The following TOR1AIP1 variants were observed in gnomAD, a reference collection of about 807,000 sequenced individuals.
The protein encoded by TOR1AIP1 is torsin-1A-interacting protein 1.
Under a neutral mutation model 63.3 loss-of-function variants are expected in TOR1AIP1, and 54 were observed. The ratio of observed to expected loss-of-function variants is 0.85; its 90% CI spans 0.69 to 1.07. TOR1AIP1 has a LOEUF of 1.07. Ranked by LOEUF, TOR1AIP1 falls within the 50% of genes least tolerant of loss-of-function variation. The pLI is 0.00. For missense variants in TOR1AIP1, 736 were observed against 715.0 expected, an observed-to-expected ratio of 1.03 and a Z score of -0.33; for synonymous variants, 294 against 273.5, an observed-to-expected ratio of 1.07 and a Z score of -0.74.
chr1:179,903,563 A>T (rs1266583469), intron 5 of TOR1AIP1, among the ~76,000 whole-genome samples: 1 of 151,148 alleles, frequency 6.6e-6, no homozygotes, highest in Non-Finnish European at 1.5e-5. Context: ...GCTGGAGTAC[A>T]GTGGTGCGAT....
rs535285280 is a variant in TOR1AIP1 at position 179,907,852 on chromosome 1, C to T, written c.826C>T (p.Pro276Ser). The T allele has an allele frequency of 9.5e-6, 15 of 1,576,062 alleles. No individual in the cohort carries two copies. Among genetic ancestry groups the T allele is most frequent in the East Asian group, 7.1e-5 (3 of 42,058 alleles). Residue 276 changes from proline (P) to serine (S), a missense_variant, in exon 7 of 10, where the codon CCT becomes TCT. Transcript: ENST00000606911. ...AAACTTCACAGCTCATGATAAGCAA[C>T]CTTCAGTGCTAAGTAAGTAGTTGGT... ...SQNFTAHDKQ[P>S]SVLSSGYQKT...
rs1456272969 is a variant in TOR1AIP1 at position 179,917,479 on chromosome 1, C to G, written c.992C>G (p.Ser331Cys). The G allele has an allele frequency of 6.2e-7, 1 of 1,612,782 alleles. No homozygotes were observed. The highest frequency in any genetic ancestry group is 8.5e-7 in the Non-Finnish European group (1 of 1,179,864). Residue 331 changes from serine to cysteine, a missense_variant, in exon 10 of 10, where the codon TCT (serine) becomes TGT (cysteine). Ser to Cys is a moderately radical substitution (Grantham distance 112). Transcript: ENST00000606911. ...GTGACTGGACAACCCCAAAATGCATCTTTTGTCAAGAGGAACCGGTGGTGG... is the reference window on the plus strand; with the variant it reads ...GTGACTGGACAACCCCAAAATGCATGTTTTGTCAAGAGGAACCGGTGGTGG... ...RQVTGQPQNASFVKRNRWWLL... is the reference protein window; with the variant it reads ...RQVTGQPQNACFVKRNRWWLL...
At position 179,918,632 on chromosome 1, in the gene TOR1AIP1, C is replaced by A; in HGVS notation, c.*393C>A. ...CCTGAGTTATTAGTAAGATTGCTCCCTAAATGTAACCAGGGATTTTCCCAT... is the reference window on the plus strand; with the variant it reads ...CCTGAGTTATTAGTAAGATTGCTCCATAAATGTAACCAGGGATTTTCCCAT... On this transcript the variant is annotated 3_prime_UTR_variant, in exon 10 of 10. Transcript: ENST00000606911. 5.9e-6 allele frequency: 1 copy of A among 169,980 alleles called. No homozygotes were observed. The highest frequency in any genetic ancestry group is 1.3e-5 in the Non-Finnish European group (1 of 78,980). 10.5% of individuals were successfully genotyped at this position (169,980 alleles called of 1,614,324 possible).
intron 8 of TOR1AIP1, among the ~76,000 whole-genome samples, chr1:179,909,326 C>T (rs941062414): frequency 1.3e-5 from 2 of 152,148 alleles, no homozygotes; most frequent in Non-Finnish European, 2.9e-5. Context: ...CATAATTTTA[C>T]ATAATAAAGG....
intron 3 of TOR1AIP1, among the ~76,000 whole-genome samples, chr1:179,894,501 A>G (rs1459451260): frequency 1.3e-5 from 2 of 152,066 alleles, no homozygotes; most frequent in African/African-American, 2.4e-5. Flanking sequence ...AGCCTGGCCA[A>G]CATGGTGAAA....
Position 179,918,435 on chromosome 1 carries a change from A to G in TOR1AIP1, c.*196A>G. The G allele has an allele frequency of 1.7e-6, 1 of 592,976 alleles. No individual in the cohort carries two copies. Among genetic ancestry groups the G allele is most frequent in the Non-Finnish European group, 2.9e-6 (1 of 345,516 alleles). The allele number at this position is 592,976 out of a possible 1,614,324, so 36.7% of individuals were successfully genotyped here. On this transcript the variant is annotated 3_prime_UTR_variant, in exon 10 of 10. Coordinates refer to ENST00000606911, the MANE Select transcript of TOR1AIP1 (RefSeq NM_015602.4). ...ATATGAGAGAATCATTTCAGTTTCC[A>G]TTGAGAGCTCTGTTAAAGGTATCTT...
At chr1:179,883,093 G>C in intron 1 of TOR1AIP1, 116 bp downstream of exon 1, 1 of 956,524 alleles carries the variant, frequency 1.0e-6, no homozygotes. Flanking sequence ...TTGGCTAAAG[G>C]GTATTCCTCA....
chr1:179,914,145 C>T lies in TOR1AIP1; in HGVS notation c.964+91C>T, dbSNP rs533076065. 49 of 1,082,090 alleles carry T rather than the reference C, an allele frequency of 4.5e-5. No homozygotes were observed. The African/African-American group carries it at 6.0e-4, about 13-fold the overall frequency. 67.0% of individuals were successfully genotyped at this position (1,082,090 alleles called of 1,614,324 possible). On this transcript the variant is annotated intron_variant, in intron 9 of 9. Transcript: ENST00000606911. ...AATGTTTTTTGACAGCAGTATGACT[C>T]GATGCTATTTGAAGAATCACATTTT...
At chr1:179,909,228 A>G (rs1367761968) in intron 8 of TOR1AIP1, among the ~76,000 whole-genome samples, 1 of 152,228 alleles carries the variant, frequency 6.6e-6, no homozygotes, top group South Asian at 2.1e-4. Flanking sequence ...TATAGCAGCA[A>G]TACAGTCTGT....
At chr1:179,908,903 C>T (rs1212156132) in intron 8 of TOR1AIP1, among the ~76,000 whole-genome samples, 1 of 152,108 alleles carries the variant, frequency 6.6e-6, no homozygotes, top group Admixed American at 6.5e-5. Flanking sequence ...CGGTGGCTCA[C>T]GCCTGTAATC....
chr1:179,896,608 C>G (rs1368296518), intron 3 of TOR1AIP1, among the ~76,000 whole-genome samples: 2 of 151,862 alleles, frequency 1.3e-5, no homozygotes, highest in Non-Finnish European at 2.9e-5. Flanking sequence ...GAGAAGCACC[C>G]TACTCAGTGG....
At chr1:179,900,881 ATGTT>A (rs1164174720) in intron 4 of TOR1AIP1, among the ~76,000 whole-genome samples, 2 of 152,128 alleles carry the variant, frequency 1.3e-5, no homozygotes, top group East Asian at 1.9e-4. Flanking sequence ...GCATAATAGA[ATGTT>A]TGTGTGCAGG....
rs755673984 is a variant in TOR1AIP1, at chr1:179,882,994, T to C, written c.475+17T>C. 7.5e-6 allele frequency: 12 copies of C among 1,596,622 alleles called. No homozygotes were observed. In the East Asian group the frequency reaches 2.7e-4, roughly 37 times the overall value. On this transcript the variant is annotated intron_variant, in intron 1 of 9. Transcript: ENST00000606911. ...CCTCTGAAGGTGAGGACCGCGGAGGTAACAGTCCCAGCCGCGAGCCAGGGA... is the reference window on the plus strand; with the variant it reads ...CCTCTGAAGGTGAGGACCGCGGAGGCAACAGTCCCAGCCGCGAGCCAGGGA...
chr1:179,907,148 G>A (rs1648662552), intron 6 of TOR1AIP1, among the ~76,000 whole-genome samples: 1 of 151,726 alleles, frequency 6.6e-6, no homozygotes, highest in Non-Finnish European at 1.5e-5. Context: ...CTTTGGGAGG[G>A]CGAGGCAGGC....
intron 3 of TOR1AIP1, among the ~76,000 whole-genome samples, chr1:179,897,971 A>G (rs1167514862): frequency 6.6e-6 from 1 of 152,122 alleles, no homozygotes; most frequent in African/African-American, 2.4e-5. Flanking sequence ...GTGTGGTGAC[A>G]TGTGCCTGTA....
intron 4 of TOR1AIP1, chr1:179,900,649 T>A (rs1648429005): frequency 6.6e-6 from 1 of 152,362 alleles, no homozygotes; most frequent in South Asian, 2.1e-4. Context: ...ATCTGAACTG[T>A]TAACTGGGCA....
At position 179,919,241 on chromosome 1, in the gene TOR1AIP1, G is replaced by A. The variant is rs1266258597; in HGVS notation, c.*1002G>A. On this transcript the variant is annotated 3_prime_UTR_variant, in exon 10 of 10. Transcript: ENST00000606911. ...ACCATGCTTATTGCCCTCCAGTCTG[G>A]GCAACAAAAATGAAACTCCGTCTCA... 1.3e-5 allele frequency: 2 copies of A among 151,778 alleles called. No homozygotes were observed. Among genetic ancestry groups the A allele is most frequent in the Non-Finnish European group, 2.9e-5 (2 of 68,004 alleles). 9.4% of individuals were successfully genotyped at this position (151,778 alleles called of 1,614,324 possible).
chr1:179,893,199 C>T (rs1255515091), intron 3 of TOR1AIP1, among the ~76,000 whole-genome samples: 3 of 151,882 alleles, frequency 2.0e-5, no homozygotes, highest in South Asian at 2.1e-4. Flanking sequence ...GCCGAGATTG[C>T]GCCATTGCAC....
chr1:179,915,189 G>A (rs189298895), intron 9 of TOR1AIP1, among the ~76,000 whole-genome samples: 1 of 152,136 alleles, frequency 6.6e-6, no homozygotes, highest in African/African-American at 2.4e-5. Flanking sequence ...GATAATTGTG[G>A]CTATTCTTTT....
Sources: allele counts gnomAD v4.1 joint callset (sites outside exome capture counted in the v4.1 genomes callset), GRCh38; gene constraint gnomAD v4.1.1; transcripts MANE v1.5; gene names NCBI Gene and HGNC (gene_info 2026-07-23, HGNC 2026-07-21).